NAALADL2: variants seen among roughly 807,000 people sequenced by gnomAD.
NAALADL2 encodes inactive N-acetylated-alpha-linked acidic dipeptidase-like protein 2.
In NAALADL2, 76 loss-of-function variants were observed where a neutral mutation model predicts 87.2. The observed-to-expected ratio is 0.87, with a 90% CI of 0.72 to 1.05. The LOEUF is 1.05. Among genes scored for constraint, NAALADL2 ranks in the 50% least tolerant of loss-of-function variants. The probability of loss-of-function intolerance (pLI) is 0.00; values close to 1 mark genes in which losing one functional copy is unlikely to be tolerated. For missense variants in NAALADL2, 1,089 were observed against 945.8 expected (o/e 1.15, Z -1.99); for synonymous variants, 354 against 331.0 (o/e 1.07, Z -0.75).
intron 1 of NAALADL2, among the ~76,000 whole-genome samples, chr3:174,448,499 T>C (rs1277584668): frequency 6.6e-6 from 1 of 152,180 alleles, no homozygotes; most frequent in Non-Finnish European, 1.5e-5. Flanking sequence ...GTATTTTGAA[T>C]CATGAAGGAG....
At chr3:175,788,104 T>C (rs1390485924) in intron 13 of NAALADL2, among the ~76,000 whole-genome samples, 40 of 149,908 alleles carry the variant, frequency 2.7e-4, no homozygotes, top group Non-Finnish European at 3.9e-4. Context: ...TTTTTTTTTT[T>C]TTTTTTGAGA....
chr3:175,212,283 C>T (rs1432047399), intron 2 of NAALADL2, among the ~76,000 whole-genome samples: 3 of 151,660 alleles, frequency 2.0e-5, no homozygotes, highest in Non-Finnish European at 4.4e-5. Context: ...AGAGAACTAT[C>T]AACTCACAAT....
At chr3:175,157,964 C>T (rs1439276343) in intron 2 of NAALADL2, among the ~76,000 whole-genome samples, 1 of 152,014 alleles carries the variant, frequency 6.6e-6, no homozygotes, top group Non-Finnish European at 1.5e-5. Context: ...TTCTAATACT[C>T]CATGCACCAA....
intron 4 of NAALADL2, among the ~76,000 whole-genome samples, chr3:175,299,870 T>C (rs1220093492): frequency 6.6e-6 from 1 of 152,232 alleles, no homozygotes; most frequent in Non-Finnish European, 1.5e-5. Context: ...GTGCTGATTT[T>C]CAAAGGAAAT....
Position 174,575,139 on chromosome 3 carries a change from A to G in NAALADL2, c.-115+24502A>G, listed in dbSNP as rs539273923. The stretch of plus-strand genomic sequence containing the variant: ...CATTTTGGTTAATTTTTTAAAAAAA[A>G]TTTAAATAATTTGGTATTAGAAGTA... On this transcript the variant is annotated intron_variant, in intron 2 of 3. Transcript: ENST00000434257. 2.0e-5 allele frequency among the ~76,000 whole-genome samples: 3 copies of G among 152,246 alleles called. No homozygotes were observed. The East Asian group carries it at 5.8e-4, about 29-fold the overall frequency.
chr3:175,458,541 T>A (rs962113934), intron 6 of NAALADL2, among the ~76,000 whole-genome samples: 1 of 147,752 alleles, frequency 6.8e-6, no homozygotes, highest in Non-Finnish European at 1.5e-5. Context: ...ATATATAATA[T>A]ATAATTAAAA....
intron 2 of NAALADL2, among the ~76,000 whole-genome samples, chr3:174,634,566 T>G (rs890879271): frequency 2.6e-5 from 4 of 152,156 alleles, no homozygotes; most frequent in African/African-American, 9.7e-5. Context: ...GCAAATTTAC[T>G]TGCTTTTGGA....
intron 5 of NAALADL2, among the ~76,000 whole-genome samples, chr3:175,389,722 T>G (rs1383545077): frequency 6.6e-6 from 1 of 152,134 alleles, no homozygotes; most frequent in Non-Finnish European, 1.5e-5. Flanking sequence ...AAGTCAACCC[T>G]TTGGAAAAGC....
intron 5 of NAALADL2, among the ~76,000 whole-genome samples, chr3:175,376,639 T>C (rs746534358): frequency 6.6e-6 from 1 of 152,160 alleles, no homozygotes; most frequent in Non-Finnish European, 1.5e-5. Flanking sequence ...CTTTTGGGGT[T>C]TGTGGACTGT....
At chr3:175,708,716 C>G (rs114034246) in intron 11 of NAALADL2, among the ~76,000 whole-genome samples, 8 of 151,680 alleles carry the variant, frequency 5.3e-5, no homozygotes, top group Admixed American at 2.0e-4. Context: ...TTCCCTCCCC[C>G]CAAAGCCATT....
chr3:175,082,113 T>C (rs1305745904), intron 1 of NAALADL2, among the ~76,000 whole-genome samples: 1 of 152,144 alleles, frequency 6.6e-6, no homozygotes, highest in Non-Finnish European at 1.5e-5. Context: ...AAGGCATCAA[T>C]TTCTGGCCTA....
At chr3:175,611,821 T>C (rs1724694386) in intron 10 of NAALADL2, among the ~76,000 whole-genome samples, 1 of 152,178 alleles carries the variant, frequency 6.6e-6, no homozygotes, top group Non-Finnish European at 1.5e-5. Context: ...AGAGACAAAC[T>C]AAGCCATACA....
chr3:175,656,725 GTGTGTGTGTGTGTA>G (rs1181990717), intron 11 of NAALADL2, among the ~76,000 whole-genome samples: 1 of 150,322 alleles, frequency 6.7e-6, no homozygotes, highest in Non-Finnish European at 1.5e-5. Context: ...GTGTGTATGT[GTGTGTGTGTGTGTA>G]TGTGTGTGTG....
intron 3 of NAALADL2, among the ~76,000 whole-genome samples, chr3:174,798,757 A>G (rs1341140923): frequency 6.6e-6 from 1 of 152,070 alleles, no homozygotes; most frequent in Middle Eastern, 3.2e-3. Flanking sequence ...AATTTTTTAT[A>G]TATTTGATCT....
chr3:175,160,013 A>G (rs6789967), intron 2 of NAALADL2, among the ~76,000 whole-genome samples: 1 of 45,158 alleles, frequency 2.2e-5, no homozygotes, highest in Non-Finnish European at 6.4e-5. Context: ...TTTTTTTTTT[A>G]CTTTTAGTAG....
intron 2 of NAALADL2, among the ~76,000 whole-genome samples, chr3:174,642,930 A>G (rs1317675184): frequency 6.6e-6 from 1 of 151,996 alleles, no homozygotes; most frequent in Non-Finnish European, 1.5e-5. Flanking sequence ...CTATAGGCAC[A>G]TGCTACGACA....
chr3:175,041,720 T>C (rs748254822), intron 1 of NAALADL2, among the ~76,000 whole-genome samples: 10 of 152,160 alleles, frequency 6.6e-5, no homozygotes, highest in Non-Finnish European at 5.9e-5. Context: ...ACATGATTTA[T>C]AATTATGGAT....
At chr3:175,326,375 T>C (rs1013467551) in intron 5 of NAALADL2, among the ~76,000 whole-genome samples, 8 of 152,224 alleles carry the variant, frequency 5.3e-5, no homozygotes, top group African/African-American at 1.7e-4. Context: ...TGTCTTTTTT[T>C]AAATACCTCA....
Position 174,450,048 on chromosome 3 carries a change from T to C in NAALADL2, c.-184+9016T>C, listed in dbSNP as rs534668403. ...ACACACACACACACACACACACACA[T>C]ATAGTTTCTTTCATTTGCTATACTT... On this transcript the variant is annotated intron_variant, in intron 1 of 3. Coordinates refer to the NAALADL2 transcript ENST00000434257. Among the ~76,000 whole-genome samples the C allele has an allele frequency of 5.0e-3, 758 of 150,130 alleles. 2 individuals carry two copies. The highest frequency in any genetic ancestry group is 7.4e-3 in the Non-Finnish European group (499 of 67,394).
Sources: gnomAD v4.1 joint callset for allele counts (sites outside exome capture counted in the v4.1 genomes callset) on GRCh38, gnomAD v4.1.1 for gene constraint, MANE v1.5 for transcripts, NCBI Gene and HGNC (gene_info 2026-07-23, HGNC 2026-07-21) for gene names.